The following ACYP2 variants were observed in gnomAD, a reference collection of about 807,000 sequenced individuals.
ACYP2 encodes acylphosphatase 2.
ACYP2 carries 12 observed loss-of-function variants against 11.2 expected under a neutral mutation model. The ratio of observed to expected loss-of-function variants is 1.08; its 90% confidence interval spans 0.69 to 1.74. ACYP2 has a LOEUF of 1.74. Ranked by LOEUF, ACYP2 falls within the 40% of genes most tolerant of loss-of-function variation. The pLI is 0.00. For synonymous variants in ACYP2, 43 were observed against 32.2 expected, an observed-to-expected ratio of 1.33 and a Z score of -1.13; for missense variants, 134 against 101.9, an observed-to-expected ratio of 1.31 and a Z score of -1.35.
At chr2:54,133,415 T>A (rs1460197562) in intron 4 of ACYP2, among the ~76,000 whole-genome samples, 1 of 152,208 alleles carries the variant, frequency 6.6e-6, no homozygotes, top group Non-Finnish European at 1.5e-5. Flanking sequence ...CCTCTAAATT[T>A]AAGCACTTTT....
At chr2:54,297,096 G>A (rs1162232414) in intron 6 of ACYP2, among the ~76,000 whole-genome samples, 1 of 110,602 alleles carries the variant, frequency 9.0e-6, no homozygotes, top group East Asian at 2.3e-4. Context: ...GGCTCCTTGG[G>A]TGGGTGAACA....
At chr2:54,255,889 T>A in intron 6 of ACYP2, 1 of 1,614,064 alleles carries the variant, frequency 6.2e-7, no homozygotes. Context: ...AGTCACTTCC[T>A]GCCCCGCTTT....
intron 6 of ACYP2, among the ~76,000 whole-genome samples, chr2:54,297,500 A>C (rs2104160616): frequency 6.6e-6 from 1 of 152,358 alleles, no homozygotes; most frequent in South Asian, 2.1e-4. Context: ...CCCCATCTCA[A>C]CAACAAAAAA....
intron 4 of ACYP2, among the ~76,000 whole-genome samples, chr2:54,089,419 G>T (rs1678107273): frequency 6.6e-6 from 1 of 151,630 alleles, no homozygotes; most frequent in Non-Finnish European, 1.5e-5. Flanking sequence ...TATATCTCCT[G>T]GCTATTAAGT....
At chr2:54,021,863 G>A (rs1048289852) in intron 2 of ACYP2, among the ~76,000 whole-genome samples, 2 of 152,110 alleles carry the variant, frequency 1.3e-5, no homozygotes, top group Non-Finnish European at 2.9e-5. Flanking sequence ...TGAACCATCT[G>A]GGCAACTCTT....
intron 2 of ACYP2, among the ~76,000 whole-genome samples, chr2:54,039,313 GA>G (rs1675097689): frequency 6.7e-6 from 1 of 149,938 alleles, no homozygotes; most frequent in Non-Finnish European, 1.5e-5. Flanking sequence ...GGCGGGGGGG[GA>G]CAGGGTCCCA....
intron 2 of ACYP2, among the ~76,000 whole-genome samples, chr2:53,976,564 TA>T (rs1446813215): frequency 6.6e-6 from 1 of 152,224 alleles, no homozygotes; most frequent in Non-Finnish European, 1.5e-5. Context: ...TGTAATTAAA[TA>T]TCCAGACTTC....
intron 4 of ACYP2, among the ~76,000 whole-genome samples, chr2:54,122,274 T>C (rs1680205172): frequency 6.6e-6 from 1 of 152,208 alleles, no homozygotes; most frequent in South Asian, 2.1e-4. Flanking sequence ...CAGTGTGTGT[T>C]TGTCAATTCA....
At chr2:54,278,394 A>C (rs1688705405) in intron 6 of ACYP2, among the ~76,000 whole-genome samples, 1 of 152,220 alleles carries the variant, frequency 6.6e-6, no homozygotes, top group South Asian at 2.1e-4. Context: ...AGCCAGGGTT[A>C]CATCTTTTAG....
rs556516188 is a variant in ACYP2, at chr2:53,976,066, CTAAT to C, written c.62+2261_62+2264del. Among the ~76,000 whole-genome samples, 13 of 152,250 alleles carry C rather than the reference CTAAT, an allele frequency of 8.5e-5. No individual in the cohort carries two copies. In the East Asian group the frequency reaches 1.9e-3, roughly 23 times the overall value. On this transcript the variant is annotated intron_variant, in intron 2 of 6. Coordinates refer to ENST00000607452, the MANE Select transcript of ACYP2 (RefSeq NM_001320586.2). The stretch of plus-strand genomic sequence containing the variant: ...TGTCTTTGATGTGCTTATTGGAACA[CTAAT>C]TAATCACTTATTAGCAGTGAACAAA...
At chr2:54,246,314 A>T (rs1176605323) in intron 6 of ACYP2, among the ~76,000 whole-genome samples, 7 of 152,028 alleles carry the variant, frequency 4.6e-5, no homozygotes, top group Admixed American at 3.9e-4. Flanking sequence ...AGTTATAATT[A>T]ATTGCTAAAT....
At chr2:54,292,068 G>A (rs1188423492) in intron 6 of ACYP2, among the ~76,000 whole-genome samples, 1 of 152,144 alleles carries the variant, frequency 6.6e-6, no homozygotes, top group Non-Finnish European at 1.5e-5. Context: ...GCAGAAACAG[G>A]ATCTCATTCT....
intron 2 of ACYP2, among the ~76,000 whole-genome samples, chr2:53,975,797 A>G (rs927466511): frequency 2.6e-5 from 4 of 152,060 alleles, no homozygotes; most frequent in Admixed American, 6.6e-5. Flanking sequence ...GCGCCACTGC[A>G]CTCCAGCCTG....
intron 2 of ACYP2, among the ~76,000 whole-genome samples, chr2:53,979,201 A>G (rs1028285135): frequency 6.6e-6 from 1 of 152,202 alleles, no homozygotes; most frequent in African/African-American, 2.4e-5. Context: ...ATGTGGGGGT[A>G]GAACAGAGTG....
chr2:54,200,461 C>G (rs1398895187), intron 6 of ACYP2, among the ~76,000 whole-genome samples: 1 of 152,156 alleles, frequency 6.6e-6, no homozygotes, highest in Non-Finnish European at 1.5e-5. Context: ...AATCTACTGT[C>G]TGTCTCCATG....
intron 2 of ACYP2, among the ~76,000 whole-genome samples, chr2:54,039,897 C>T (rs1675134589): frequency 1.4e-5 from 2 of 138,254 alleles, no homozygotes; most frequent in Non-Finnish European, 3.1e-5. Context: ...GCTCTGTTGC[C>T]CAGGCTGGAG....
intron 6 of ACYP2, 98 bp from the exon 4 acceptor site, chr2:54,304,590 T>G (rs1472229815): frequency 1.4e-6 from 1 of 723,852 alleles, no homozygotes; most frequent in East Asian, 2.7e-5. Flanking sequence ...AATTACTTAG[T>G]AAAGGTAAAC....
chr2:53,977,336 C>T (rs115985737), intron 2 of ACYP2, among the ~76,000 whole-genome samples: 2,943 of 152,162 alleles, frequency 0.019, 99 homozygotes, highest in African/African-American at 0.067. Flanking sequence ...TGAGCCGCCG[C>T]GCCTGGCCAG....
chr2:53,985,221 C>T (rs897685825), intron 2 of ACYP2, among the ~76,000 whole-genome samples: 11 of 151,994 alleles, frequency 7.2e-5, no homozygotes, highest in East Asian at 1.9e-4. Context: ...AGGCGCCTGC[C>T]GCCACGCCCA....
Sources: gnomAD v4.1 joint callset for allele counts (sites outside exome capture counted in the v4.1 genomes callset) on GRCh38, gnomAD v4.1.1 for gene constraint, MANE v1.5 for transcripts, NCBI Gene and HGNC (gene_info 2026-07-23, HGNC 2026-07-21) for gene names.